LIN7A: variants seen among roughly 807,000 people sequenced by gnomAD.
LIN7A encodes protein lin-7 homolog A.
In LIN7A, 25 loss-of-function variants were observed where a neutral mutation model predicts 29.8. The observed-to-expected ratio is 0.84, with a 90% CI of 0.61 to 1.17. The LOEUF (loss-of-function observed/expected upper bound fraction) is 1.17. LIN7A is among the 50% of genes most tolerant of loss of function. LIN7A has a pLI of 0.00. For synonymous variants in LIN7A, 118 were observed against 107.5 expected, an observed-to-expected ratio of 1.10 and a Z score of -0.60; for missense variants, 239 against 287.0, an observed-to-expected ratio of 0.83 and a Z score of 1.21.
intron 4 of LIN7A, among the ~76,000 whole-genome samples, chr12:80,813,802 T>C (rs2121514242): frequency 6.6e-6 from 1 of 152,124 alleles, no homozygotes; most frequent in East Asian, 1.9e-4. Context: ...CCAGGGCAGA[T>C]GACAGAACCC....
chr12:80,837,149 A>G (rs1440575354), intron 4 of LIN7A, among the ~76,000 whole-genome samples: 2 of 152,140 alleles, frequency 1.3e-5, no homozygotes, highest in East Asian at 1.9e-4. Flanking sequence ...CAACGTGCCC[A>G]TGCTCTGTGG....
chr12:80,894,453 C>T (rs1016424293), intron 1 of LIN7A, among the ~76,000 whole-genome samples: 1 of 151,560 alleles, frequency 6.6e-6, no homozygotes, highest in East Asian at 1.9e-4. Context: ...CTCTCCCTCA[C>T]ACTCCCTCAC....
chr12:80,936,162 G>A (rs1172156201), intron 1 of LIN7A, among the ~76,000 whole-genome samples: 1 of 152,180 alleles, frequency 6.6e-6, no homozygotes, highest in South Asian at 2.1e-4. Context: ...GCTTAGTGCA[G>A]ATGATGATAT....
intron 4 of LIN7A, among the ~76,000 whole-genome samples, chr12:80,844,015 A>G (rs1278547853): frequency 6.6e-6 from 1 of 151,750 alleles, no homozygotes; most frequent in Non-Finnish European, 1.5e-5. Context: ...AATTATAATT[A>G]CTGTTAATAT....
chr12:80,864,138 G>A (rs2895841), intron 2 of LIN7A, among the ~76,000 whole-genome samples: 51,800 of 151,702 alleles, frequency 0.34, 10,420 homozygotes, highest in African/African-American at 0.57. Context: ...AAGTTTAAGG[G>A]CGTAATACTT....
intron 4 of LIN7A, among the ~76,000 whole-genome samples, chr12:80,843,990 A>G (rs1872943921): frequency 6.6e-6 from 1 of 151,554 alleles, no homozygotes; most frequent in Admixed American, 6.6e-5. Flanking sequence ...ATATATATAT[A>G]TTCTTACTTT....
At chr12:80,877,865 G>C (rs1338859180) in intron 2 of LIN7A, among the ~76,000 whole-genome samples, 1 of 145,302 alleles carries the variant, frequency 6.9e-6, no homozygotes. Flanking sequence ...TGTGCACTGG[G>C]AAGAAAAAAA....
rs146800562 is a variant in LIN7A, at chr12:80,914,670, T to C, written c.82+22971A>G. 1.9e-3 allele frequency among the ~76,000 whole-genome samples: 291 copies of C among 152,336 alleles called. 3 individuals carry two copies. Among genetic ancestry groups the C allele is most frequent in the African/African-American group, 6.7e-3 (280 of 41,576 alleles). On this transcript the variant is annotated intron_variant, in intron 1 of 5. Transcript: ENST00000552864. ...TGTACTAAAACTGCCCACAGTCATA[T>C]CAAATAAATAGGTACCATCACTTGG...
chr12:80,873,627 T>G (rs1171336093), intron 2 of LIN7A, among the ~76,000 whole-genome samples: 1 of 152,134 alleles, frequency 6.6e-6, no homozygotes, highest in Non-Finnish European at 1.5e-5. Flanking sequence ...TGTACACCTG[T>G]GCATTGTCAA....
At chr12:80,828,941 A>T (rs1338349630) in intron 4 of LIN7A, among the ~76,000 whole-genome samples, 4 of 152,140 alleles carry the variant, frequency 2.6e-5, no homozygotes, top group African/African-American at 9.7e-5. Context: ...GGGACTCTTT[A>T]AAAAATCTGA....
chr12:80,856,261 G>A (rs890222886), intron 2 of LIN7A, among the ~76,000 whole-genome samples: 1 of 152,116 alleles, frequency 6.6e-6, no homozygotes, highest in Non-Finnish European at 1.5e-5. Flanking sequence ...CATCAACTTC[G>A]ATGAAAACAT....
At chr12:80,804,193 C>T (rs1210712152) in intron 5 of LIN7A, among the ~76,000 whole-genome samples, 1 of 152,100 alleles carries the variant, frequency 6.6e-6, no homozygotes, top group Non-Finnish European at 1.5e-5. Flanking sequence ...TATGCATCCT[C>T]TTAAGTATTT....
intron 1 of LIN7A, 112 bp downstream of exon 1, chr12:80,937,529 T>A: frequency 7.3e-6 from 5 of 686,856 alleles, no homozygotes; most frequent in Non-Finnish European, 1.1e-5. Flanking sequence ...TCGTCCTCGT[T>A]CCCCTTCTCC....
At chr12:80,885,630 T>C (rs1019688632) in intron 2 of LIN7A, among the ~76,000 whole-genome samples, 3 of 152,126 alleles carry the variant, frequency 2.0e-5, no homozygotes, top group African/African-American at 7.2e-5. Context: ...GTAAGTTATT[T>C]CTTGATAGAG....
intron 1 of LIN7A, among the ~76,000 whole-genome samples, chr12:80,904,216 C>T (rs550998776): frequency 2.0e-5 from 3 of 152,070 alleles, no homozygotes; most frequent in East Asian, 1.9e-4. Flanking sequence ...TTATATACAA[C>T]GTGATGTTAT....
intron 2 of LIN7A, among the ~76,000 whole-genome samples, chr12:80,859,391 A>T (rs1475024106): frequency 6.6e-6 from 1 of 152,150 alleles, no homozygotes; most frequent in Non-Finnish European, 1.5e-5. Context: ...TGTGATCTCT[A>T]GGAGGAGATG....
At chr12:80,834,737 T>C (rs1872533598) in intron 4 of LIN7A, among the ~76,000 whole-genome samples, 1 of 152,236 alleles carries the variant, frequency 6.6e-6, no homozygotes, top group South Asian at 2.1e-4. Flanking sequence ...TGACATGTCA[T>C]CTGATTGCCA....
chr12:80,837,840 CTCATCATCA>C (rs112671811), intron 4 of LIN7A, among the ~76,000 whole-genome samples: 34 of 150,668 alleles, frequency 2.3e-4, no homozygotes, highest in Admixed American at 6.0e-4. Flanking sequence ...CATCATCATC[CTCATCATCA>C]TCATCATCAT....
chr12:80,884,987 T>C (rs1411676438), intron 2 of LIN7A, among the ~76,000 whole-genome samples: 1 of 152,130 alleles, frequency 6.6e-6, no homozygotes, highest in Non-Finnish European at 1.5e-5. Context: ...ATGATGATAG[T>C]ACATAGATTT....
Sources: gnomAD v4.1 joint callset for allele counts (sites outside exome capture counted in the v4.1 genomes callset) on GRCh38, gnomAD v4.1.1 for gene constraint, MANE v1.5 for transcripts, NCBI Gene and HGNC (gene_info 2026-07-23, HGNC 2026-07-21) for gene names.